The following ROBO2 variants were observed in gnomAD, a reference collection of about 807,000 sequenced individuals.
ROBO2 encodes the protein roundabout guidance receptor 2.
ROBO2 carries 53 observed loss-of-function variants against 160.8 expected under a neutral mutation model. The observed-to-expected ratio is 0.33, with a 90% CI of 0.26 to 0.41. The LOEUF is 0.41. ROBO2 is among the 10% of genes least tolerant of loss of function. The pLI, the probability that ROBO2 is intolerant of heterozygous loss-of-function variation, is 1.00. For synonymous variants in ROBO2, 664 were observed against 611.7 expected, an observed-to-expected ratio of 1.09 and a Z score of -1.26; for missense variants, 1,577 against 1,722.4, an observed-to-expected ratio of 0.92 and a Z score of 1.49.
At position 77,526,234 on chromosome 3, in the gene ROBO2, G is replaced by A. The variant is rs192557854; in HGVS notation, c.934+3332G>A. ...ATTGTGAATAATATTATAAGACCAT[G>A]GCTCTCATAGAGATGGATTGCACAA... On this transcript the variant is annotated intron_variant, in intron 6 of 25. Transcript: ENST00000461745. Among the ~76,000 whole-genome samples, 3 of 151,544 alleles carry A rather than the reference G, an allele frequency of 2.0e-5. 1 individual carries two copies. Among genetic ancestry groups the A allele is most frequent in the African/African-American group, 7.2e-5 (3 of 41,442 alleles).
chr3:77,522,800 C>T (rs781730973), exon 6 of ROBO2: 2 of 1,609,126 alleles, frequency 1.2e-6, no homozygotes, highest in East Asian at 2.2e-5. Context: ...CGATTACACA[C>T]TAAGAATTAA....
intron 2 of ROBO2, among the ~76,000 whole-genome samples, chr3:76,132,394 T>TGGA (rs1553653737): frequency 6.2e-5 from 2 of 32,346 alleles, no homozygotes; most frequent in Non-Finnish European, 4.5e-4. Context: ...TCCAGACTGT[T>TGGA]GGGGGGGGGG....
intron 2 of ROBO2, among the ~76,000 whole-genome samples, chr3:76,155,668 G>A (rs150382896): frequency 6.6e-6 from 1 of 152,234 alleles, no homozygotes; most frequent in East Asian, 1.9e-4. Flanking sequence ...AGCTGCAGGT[G>A]CAAGTTTGCA....
intron 2 of ROBO2, among the ~76,000 whole-genome samples, chr3:76,098,436 G>A (rs1261939382): frequency 6.6e-6 from 1 of 151,992 alleles, no homozygotes; most frequent in East Asian, 1.9e-4. Context: ...GTTTGGATGA[G>A]TTTTAAGTGC....
intron 1 of ROBO2, among the ~76,000 whole-genome samples, chr3:77,044,808 G>C (rs1291708281): frequency 6.6e-6 from 1 of 152,130 alleles, no homozygotes; most frequent in Non-Finnish European, 1.5e-5. Flanking sequence ...CGTCATATCT[G>C]AGTTCAAGCA....
chr3:76,342,866 C>A (rs1005372202), intron 2 of ROBO2, among the ~76,000 whole-genome samples: 4 of 152,034 alleles, frequency 2.6e-5, no homozygotes, highest in East Asian at 1.9e-4. Context: ...TGAATGAAAT[C>A]ATCATTTCTA....
chr3:77,500,978 T>C (rs2087512345), intron 5 of ROBO2, among the ~76,000 whole-genome samples: 2 of 152,206 alleles, frequency 1.3e-5, no homozygotes, highest in South Asian at 2.1e-4. Context: ...CTGACAGCTC[T>C]TGTGTGTGTG....
intron 2 of ROBO2, among the ~76,000 whole-genome samples, chr3:76,579,413 T>C (rs2085511256): frequency 6.6e-6 from 1 of 152,166 alleles, no homozygotes; most frequent in Non-Finnish European, 1.5e-5. Flanking sequence ...TCTTAAACTG[T>C]AAGTACCATG....
At chr3:77,039,295 C>T (rs560131388), upstream of ROBO2, among the ~76,000 whole-genome samples, 2 of 152,288 alleles carry the variant, frequency 1.3e-5, no homozygotes, top group East Asian at 1.9e-4. Context: ...CTTCCTCCTA[C>T]TCGGCTTCTC....
chr3:77,567,146 A>T (rs937869345), intron 12 of ROBO2, among the ~76,000 whole-genome samples: 1 of 151,982 alleles, frequency 6.6e-6, no homozygotes, highest in African/African-American at 2.4e-5. Context: ...ATTATTTACG[A>T]CCCAATTTAA....
intron 6 of ROBO2, among the ~76,000 whole-genome samples, chr3:77,537,750 C>T (rs2092219719): frequency 1.3e-5 from 2 of 152,128 alleles, no homozygotes; most frequent in South Asian, 4.1e-4. Flanking sequence ...GGAGGCCTCA[C>T]AATCATGGCA....
At chr3:77,057,366 C>T (rs1277647684) in intron 1 of ROBO2, among the ~76,000 whole-genome samples, 5 of 151,890 alleles carry the variant, frequency 3.3e-5, no homozygotes, top group Admixed American at 2.0e-4. Flanking sequence ...ATGTAAATGA[C>T]GAGTTAATGG....
At chr3:76,355,740 T>C (rs143871198) in intron 2 of ROBO2, among the ~76,000 whole-genome samples, 166 of 151,910 alleles carry the variant, frequency 1.1e-3, no homozygotes, top group African/African-American at 3.5e-3. Flanking sequence ...ATTGGCACTT[T>C]CCCCAGTCAT....
At chr3:76,448,046 A>ATC (rs572924630) in intron 2 of ROBO2, among the ~76,000 whole-genome samples, 2,605 of 152,068 alleles carry the variant, frequency 0.017, 62 homozygotes, top group African/African-American at 0.054. Flanking sequence ...GTATATATAT[A>ATC]AAAAAAGAAA....
intron 1 of ROBO2, among the ~76,000 whole-genome samples, chr3:75,908,737 G>A (rs1946449039): frequency 1.3e-5 from 2 of 151,908 alleles, no homozygotes; most frequent in African/African-American, 4.8e-5. Flanking sequence ...ATAATTTTGT[G>A]GAGTTATTTT....
intron 3 of ROBO2, among the ~76,000 whole-genome samples, chr3:77,479,885 T>C (rs960351085): frequency 3.9e-5 from 6 of 152,142 alleles, no homozygotes; most frequent in South Asian, 4.1e-4. Context: ...GGTTCCCATG[T>C]TGGTCTCAGT....
chr3:76,714,311 T>C (rs1264698562), intron 2 of ROBO2, among the ~76,000 whole-genome samples: 1 of 152,138 alleles, frequency 6.6e-6, no homozygotes, highest in Non-Finnish European at 1.5e-5. Context: ...CAAGAGTTAA[T>C]TTTTCTAAGG....
chr3:77,564,815 T>G (rs1559623444), intron 11 of ROBO2, 139 bp from the exon 13 acceptor site: 1 of 801,802 alleles, frequency 1.2e-6, no homozygotes, highest in African/African-American at 1.7e-5. Flanking sequence ...GTTTCATTTA[T>G]TGGGCTGAAT....
chr3:76,254,675 C>A (rs1296825200), intron 2 of ROBO2, among the ~76,000 whole-genome samples: 1 of 151,886 alleles, frequency 6.6e-6, no homozygotes, highest in Non-Finnish European at 1.5e-5. Context: ...GATACCTTTA[C>A]TGTGGTGGTA....
Sources: gnomAD v4.1 joint callset for allele counts (sites outside exome capture counted in the v4.1 genomes callset) on GRCh38, gnomAD v4.1.1 for gene constraint, MANE v1.5 for transcripts, NCBI Gene and HGNC (gene_info 2026-07-23, HGNC 2026-07-21) for gene names.